DAB1: variants seen among roughly 807,000 people sequenced by gnomAD.
The protein encoded by DAB1 is disabled homolog 1.
DAB1 carries 15 observed loss-of-function variants against 64.6 expected under a neutral mutation model. That is an observed-to-expected ratio of 0.23 (90% CI 0.16 to 0.36). The LOEUF is 0.36. DAB1 is among the 10% of genes least tolerant of loss of function. The probability of loss-of-function intolerance (pLI) is 1.00; values close to 1 mark genes in which losing one functional copy is unlikely to be tolerated. For synonymous variants in DAB1, 235 were observed against 251.9 expected, an observed-to-expected ratio of 0.93 and a Z score of 0.64; for missense variants, 596 against 706.7, an observed-to-expected ratio of 0.84 and a Z score of 1.78.
At chr1:57,176,941 A>C (rs1662380128) in intron 2 of DAB1, among the ~76,000 whole-genome samples, 1 of 132,190 alleles carries the variant, frequency 7.6e-6, no homozygotes, top group African/African-American at 3.8e-5. Flanking sequence ...TAAAGGAAGA[A>C]GCAGATAAAA....
intron 5 of DAB1, chr1:58,048,330 A>G: frequency 9.1e-7 from 1 of 1,096,078 alleles, no homozygotes; most frequent in South Asian, 1.2e-5. Flanking sequence ...AAATTTGAAA[A>G]CTGATTGTTT....
At chr1:57,301,615 C>T (rs763069278) in intron 1 of DAB1, among the ~76,000 whole-genome samples, 1 of 152,190 alleles carries the variant, frequency 6.6e-6, no homozygotes, top group South Asian at 2.1e-4. Flanking sequence ...GGCAGCTTCA[C>T]CTGCTGATTT....
chr1:57,727,473 T>C (rs551211848), intron 6 of DAB1, among the ~76,000 whole-genome samples: 3 of 152,280 alleles, frequency 2.0e-5, no homozygotes, highest in East Asian at 1.9e-4. Context: ...ATGGCACATC[T>C]GTAATCCGCT....
chr1:57,431,318 C>T (rs1299583938), intron 7 of DAB1, among the ~76,000 whole-genome samples: 1 of 151,988 alleles, frequency 6.6e-6, no homozygotes, highest in African/African-American at 2.4e-5. Context: ...ACAAAAGGAT[C>T]CACTTAAAAA....
intron 2 of DAB1, among the ~76,000 whole-genome samples, chr1:57,169,929 T>C (rs1452966002): frequency 2.0e-5 from 3 of 152,134 alleles, no homozygotes; most frequent in African/African-American, 7.2e-5. Context: ...GTTGTCCTTA[T>C]ATCTGTGATG....
intron 4 of DAB1, among the ~76,000 whole-genome samples, chr1:57,087,886 G>A (rs1326325523): frequency 6.6e-6 from 1 of 152,136 alleles, no homozygotes; most frequent in Non-Finnish European, 1.5e-5. Context: ...AATGTCAGTG[G>A]CTAGCCTACT....
chr1:57,100,502 G>A (rs1054959227), intron 4 of DAB1, among the ~76,000 whole-genome samples: 2 of 152,120 alleles, frequency 1.3e-5, no homozygotes, highest in Non-Finnish European at 2.9e-5. Flanking sequence ...AATCGATGAG[G>A]AATGAGCTAT....
intron 6 of DAB1, among the ~76,000 whole-genome samples, chr1:57,751,131 G>A (rs1304946337): frequency 1.3e-5 from 2 of 152,226 alleles, no homozygotes; most frequent in South Asian, 2.1e-4. Flanking sequence ...TGATCAGACC[G>A]ACTGACTACC....
intron 9 of DAB1, among the ~76,000 whole-genome samples, chr1:57,045,959 A>G (rs1648431154): frequency 1.3e-5 from 2 of 152,190 alleles, no homozygotes; most frequent in Non-Finnish European, 2.9e-5. Context: ...ATAAGTAGAG[A>G]AGCAAGGGAT....
chr1:57,221,651 A>G (rs1374592818), intron 2 of DAB1, among the ~76,000 whole-genome samples: 2 of 152,194 alleles, frequency 1.3e-5, no homozygotes, highest in African/African-American at 4.8e-5. Context: ...GGCCTTTGAG[A>G]ATAACATCAT....
intron 3 of DAB1, among the ~76,000 whole-genome samples, chr1:58,374,899 C>T (rs1644307976): frequency 7.3e-6 from 1 of 137,782 alleles, no homozygotes; most frequent in South Asian, 2.3e-4. Context: ...CCTTCACATC[C>T]CTTGTAAGTT....
At chr1:57,985,670 T>C (rs1646198763) in intron 5 of DAB1, among the ~76,000 whole-genome samples, 1 of 150,070 alleles carries the variant, frequency 6.7e-6, no homozygotes. Context: ...TGGCTGTGAG[T>C]ATTAGCCACA....
intron 4 of DAB1, among the ~76,000 whole-genome samples, chr1:58,195,896 T>G (rs1458261253): frequency 6.6e-6 from 1 of 152,176 alleles, no homozygotes; most frequent in Non-Finnish European, 1.5e-5. Context: ...CTTATAAGTG[T>G]TTAGTGACTT....
chr1:58,490,290 C>T (rs914811212), intron 3 of DAB1, among the ~76,000 whole-genome samples: 26 of 151,798 alleles, frequency 1.7e-4, no homozygotes, highest in Admixed American at 1.7e-3. Context: ...AACTACGTGA[C>T]GAATGCACAA....
chr1:58,227,601 G>C (rs1023215016), intron 4 of DAB1, among the ~76,000 whole-genome samples: 1 of 152,142 alleles, frequency 6.6e-6, no homozygotes, highest in African/African-American at 2.4e-5. Context: ...AGGTGCCAAA[G>C]CTACAATAAG....
rs143470270 is a variant in DAB1 at position 57,025,537 on chromosome 1, C to T, written c.786+444G>A. Among the ~76,000 whole-genome samples the T allele has an allele frequency of 4.5e-3, 679 of 152,198 alleles. 7 individuals carry two copies. Among genetic ancestry groups the T allele is most frequent in the African/African-American group, 0.016 (644 of 41,512 alleles). ...GCAGGGTGTGGGGAGAAGATCCTTCCTTTACTGGGCTGACCACCTATGCTG... is the reference window on the plus strand; with the variant it reads ...GCAGGGTGTGGGGAGAAGATCCTTCTTTTACTGGGCTGACCACCTATGCTG... On this transcript the variant is annotated intron_variant, in intron 10 of 14. Coordinates refer to ENST00000371236, the MANE Select transcript of DAB1 (RefSeq NM_001365792.1).
intron 7 of DAB1, among the ~76,000 whole-genome samples, chr1:57,479,502 C>T (rs1421603529): frequency 6.6e-6 from 1 of 150,992 alleles, no homozygotes; most frequent in Non-Finnish European, 1.5e-5. Context: ...TTATCTAATG[C>T]AGCATATCAT....
chr1:57,282,359 G>A (rs1671984323), intron 2 of DAB1, among the ~76,000 whole-genome samples: 1 of 152,012 alleles, frequency 6.6e-6, no homozygotes, highest in African/African-American at 2.4e-5. Context: ...TAGGGTGGGA[G>A]CAAGCGGAGT....
intron 4 of DAB1, among the ~76,000 whole-genome samples, chr1:57,116,994 A>G (rs1164365516): frequency 6.6e-6 from 1 of 152,218 alleles, no homozygotes; most frequent in Non-Finnish European, 1.5e-5. Context: ...AGCAGACAGC[A>G]AAATGAGAGT....
Sources: gnomAD v4.1 joint callset for allele counts (sites outside exome capture counted in the v4.1 genomes callset) on GRCh38, gnomAD v4.1.1 for gene constraint, MANE v1.5 for transcripts, NCBI Gene and HGNC (gene_info 2026-07-23, HGNC 2026-07-21) for gene names.